Variants in ANKRD31 observed in about 807,000 individuals in gnomAD.
ANKRD31 encodes the protein ankyrin repeat domain-containing protein 31.
A neutral mutation model predicts 186.0 loss-of-function variants in ANKRD31; 147 were observed. The ratio of observed to expected loss-of-function variants is 0.79; its 90% CI spans 0.69 to 0.91. The LOEUF is 0.91. ANKRD31 is among the 40% of genes least tolerant of loss of function. ANKRD31 has a pLI of 0.00. For synonymous variants in ANKRD31, 673 were observed against 736.4 expected, an observed-to-expected ratio of 0.91 and a Z score of 1.39; for missense variants, 1,986 against 2,148.8, an observed-to-expected ratio of 0.92 and a Z score of 1.50.
chr5:75,149,165 T>C (rs2150150468), intron 12 of ANKRD31, among the ~76,000 whole-genome samples: 1 of 152,010 alleles, frequency 6.6e-6, no homozygotes, highest in East Asian at 1.9e-4. Flanking sequence ...AAAAGGAATG[T>C]ATTTTAGTGT....
chr5:75,118,263 G>C lies in ANKRD31; in HGVS notation c.3911C>G (p.Pro1304Arg). The change falls in exon 18 of 26, where the codon CCT (proline) becomes CGT (arginine). Residue 1304 changes from proline (P) to arginine (R), a missense_variant. Coordinates refer to ENST00000506364, the MANE Select transcript of ANKRD31 (RefSeq NM_001372053.1). ...AEILLQNGAN[P>R]NQKDQKQKSA... ...CTTCTGTTTTTGATCTTTTTGATTA[G>C]GGTTTGCTCCATTTTGTAGTAGAAT... is the stretch of plus-strand genomic sequence containing the variant. The C allele has an allele frequency of 2.0e-6, 3 of 1,512,154 alleles. No individual in the cohort carries two copies. Among genetic ancestry groups the C allele is most frequent in the Non-Finnish European group, 2.6e-6 (3 of 1,139,994 alleles). The allele number at this position is 1,512,154 out of a possible 1,614,324, so 93.7% of individuals were successfully genotyped here. A position where few individuals can be genotyped will look rare whatever the true frequency, so the allele number is the denominator to read the frequency against.
intron 12 of ANKRD31, among the ~76,000 whole-genome samples, chr5:75,151,398 G>A (rs1298892875): frequency 6.6e-6 from 1 of 152,008 alleles, no homozygotes; most frequent in African/African-American, 2.4e-5. Flanking sequence ...CCCAGCGGGA[G>A]GTAATTGAAT....
At chr5:75,149,805 A>G (rs75988710) in intron 12 of ANKRD31, among the ~76,000 whole-genome samples, 362 of 152,072 alleles carry the variant, frequency 2.4e-3, no homozygotes, top group African/African-American at 8.3e-3. Flanking sequence ...ATTATTTTCT[A>G]AGAGCAAAAG....
Position 75,137,128 on chromosome 5 carries a change from G to A in ANKRD31, c.3876+728C>T, listed in dbSNP as rs145345439. Reference sequence around the variant, plus strand: ...GTATACCTATGTAACAAACATGCACGTTGTGCACATGTACCCTAGGACTTA... The same window carrying A: ...GTATACCTATGTAACAAACATGCACATTGTGCACATGTACCCTAGGACTTA... On this transcript the variant is annotated intron_variant, in intron 17 of 25. Transcript: ENST00000506364. 2.3e-3 allele frequency among the ~76,000 whole-genome samples: 348 copies of A among 152,084 alleles called. 1 individual carries two copies. Among genetic ancestry groups the A allele is most frequent in the African/African-American group, 7.3e-3 (304 of 41,468 alleles).
At chr5:75,203,453 C>T (rs932034353) in intron 5 of ANKRD31, among the ~76,000 whole-genome samples, 1 of 152,142 alleles carries the variant, frequency 6.6e-6, no homozygotes, top group Admixed American at 6.5e-5. Context: ...CACATGAGGT[C>T]ACGAGTTTAA....
At chr5:75,232,785 T>C (rs1035080607) in intron 1 of ANKRD31, among the ~76,000 whole-genome samples, 1 of 152,200 alleles carries the variant, frequency 6.6e-6, no homozygotes, top group African/African-American at 2.4e-5. Context: ...CGGATTACTC[T>C]GAGCTAAAGG....
chr5:75,179,219 C>A (rs916535109), intron 10 of ANKRD31, among the ~76,000 whole-genome samples: 5 of 151,984 alleles, frequency 3.3e-5, no homozygotes, highest in Non-Finnish European at 7.4e-5. Context: ...CAATAACAGG[C>A]TCTGAAATTG....
chr5:75,209,140 T>C (rs1756442391), intron 4 of ANKRD31, among the ~76,000 whole-genome samples: 1 of 152,194 alleles, frequency 6.6e-6, no homozygotes, highest in African/African-American at 2.4e-5. Context: ...TTGCATTCTA[T>C]TACATTAAAA....
chr5:75,073,327 T>C (rs1744390059), intron 25 of ANKRD31, among the ~76,000 whole-genome samples: 1 of 148,944 alleles, frequency 6.7e-6, no homozygotes, highest in African/African-American at 2.5e-5. Flanking sequence ...CAGGCCTAAA[T>C]AAAAGTGCTT....
chr5:75,180,139 T>C (rs1423277941), intron 10 of ANKRD31, among the ~76,000 whole-genome samples: 1 of 152,018 alleles, frequency 6.6e-6, no homozygotes, highest in Non-Finnish European at 1.5e-5. Flanking sequence ...CAAAATTGCT[T>C]CAAAGAGAAT....
At chr5:75,090,360 A>G (rs896429393) in intron 23 of ANKRD31, among the ~76,000 whole-genome samples, 6 of 152,196 alleles carry the variant, frequency 3.9e-5, no homozygotes, top group Admixed American at 3.3e-4. Context: ...ACACTTGCCA[A>G]CGAGGTCTAG....
chr5:75,194,531 C>A (rs1200552726), intron 7 of ANKRD31, among the ~76,000 whole-genome samples: 3 of 152,042 alleles, frequency 2.0e-5, no homozygotes, highest in Admixed American at 1.3e-4. Context: ...ACGAGCTCAG[C>A]ATTTTGTTAC....
chr5:75,082,917 C>T (rs6869345), intron 24 of ANKRD31, among the ~76,000 whole-genome samples: 77,227 of 152,054 alleles, frequency 0.51, 22,676 homozygotes, highest in African/African-American at 0.82. Flanking sequence ...GCTGGGAATG[C>T]AAAATGATTC....
intron 1 of ANKRD31, among the ~76,000 whole-genome samples, chr5:75,232,571 T>C (rs1758015509): frequency 6.6e-6 from 1 of 152,084 alleles, no homozygotes; most frequent in East Asian, 1.9e-4. Context: ...GTGTGTTTTT[T>C]TTTTTTAATT....
At chr5:75,181,902 AAG>A (rs1754335400) in intron 10 of ANKRD31, among the ~76,000 whole-genome samples, 1 of 151,898 alleles carries the variant, frequency 6.6e-6, no homozygotes, top group Admixed American at 6.6e-5. Context: ...GATAAAAAAA[AAG>A]AAGCCACATG....
At chr5:75,090,595 C>T (rs1253535947) in intron 23 of ANKRD31, among the ~76,000 whole-genome samples, 1 of 152,176 alleles carries the variant, frequency 6.6e-6, no homozygotes, top group Non-Finnish European at 1.5e-5. Context: ...AAGATTCAGA[C>T]TTTCCTGAAG....
intron 11 of ANKRD31, 119 bp downstream of exon 11, chr5:75,168,860 T>G: frequency 1.0e-6 from 1 of 978,220 alleles, no homozygotes; most frequent in Non-Finnish European, 1.4e-6. Context: ...ATTCTAAGTA[T>G]TCATTAGCAG....
At chr5:75,230,921 A>G (rs146108113) in intron 1 of ANKRD31, among the ~76,000 whole-genome samples, 1 of 152,188 alleles carries the variant, frequency 6.6e-6, no homozygotes, top group African/African-American at 2.4e-5. Context: ...ATAAACCTTA[A>G]TAACTTTTTG....
chr5:75,200,121 T>A (rs1755717676), intron 5 of ANKRD31, among the ~76,000 whole-genome samples: 1 of 152,212 alleles, frequency 6.6e-6, no homozygotes, highest in African/African-American at 2.4e-5. Context: ...CAGAGGGTCA[T>A]CCTAGACACT....
Sources: allele counts gnomAD v4.1 joint callset (sites outside exome capture counted in the v4.1 genomes callset), GRCh38; gene constraint gnomAD v4.1.1; transcripts MANE v1.5; gene names NCBI Gene and HGNC (gene_info 2026-07-23, HGNC 2026-07-21).